TENM1: variants seen among roughly 807,000 people sequenced by gnomAD.
The protein encoded by TENM1 is teneurin-1.
Under a neutral mutation model 174.8 loss-of-function variants are expected in TENM1, and 35 were observed. That is an observed-to-expected ratio of 0.20 (90% CI 0.15 to 0.27). The LOEUF (loss-of-function observed/expected upper bound fraction) is 0.27. Among genes scored for constraint, TENM1 ranks in the 10% least tolerant of loss-of-function variants. The pLI, the probability that TENM1 is intolerant of heterozygous loss-of-function variation, is 1.00. For synonymous variants in TENM1, 781 were observed against 798.7 expected (o/e 0.98, Z 0.37); for missense variants, 1,633 against 2,130.1 (o/e 0.77, Z 4.59).
intron 3 of TENM1, among the ~76,000 whole-genome samples, chrX:124,812,886 CT>C (rs748114768): frequency 7.7e-4 from 85 of 110,772 alleles, no homozygotes; most frequent in Non-Finnish European, 1.2e-3. Context: ...AAAAATAGAA[CT>C]TTTTTTTCTT....
the TENM1 span, among the ~76,000 whole-genome samples, chrX:125,104,309 C>T: frequency 8.9e-6 from 1 of 112,069 alleles, no homozygotes; most frequent in Admixed American, 9.5e-5. Context: ...CAGTTCCAAG[C>T]ACATTGTAGG....
chrX:124,805,475 A>T (rs1486407404), intron 3 of TENM1, among the ~76,000 whole-genome samples: 3 of 112,999 alleles, frequency 2.7e-5, no homozygotes, highest in African/African-American at 9.6e-5. Context: ...GGCTGATAAG[A>T]TTTAAAAAAG....
intron 3 of TENM1, among the ~76,000 whole-genome samples, chrX:124,781,438 AG>A (rs942472349): frequency 6.3e-5 from 7 of 111,838 alleles, no homozygotes; most frequent in African/African-American, 2.0e-4. Context: ...CTCCTCAGAT[AG>A]ATTAAAAACT....
At chrX:124,619,261 C>G (rs1162007745) in intron 11 of TENM1, among the ~76,000 whole-genome samples, 3 of 111,659 alleles carry the variant, frequency 2.7e-5, no homozygotes, top group South Asian at 3.7e-4. Context: ...AAATACTTTT[C>G]TGTACTTTTT....
chrX:125,112,679 G>A, the TENM1 span, among the ~76,000 whole-genome samples: 5,612 of 111,551 alleles, frequency 0.05, 101 homozygotes, highest in Middle Eastern at 0.14. Flanking sequence ...TGCACTCCTG[G>A]ATAAGTTTCA....
At chrX:124,737,036 C>T (rs1165682124) in exon 4 of TENM1, 10 of 1,209,470 alleles carry the variant, frequency 8.3e-6, no homozygotes, top group Non-Finnish European at 1.1e-5. Context: ...GTTGGGGGAG[C>T]TGGAGCAGCT....
At chrX:124,616,854 AAAG>A (rs1272379506) in intron 11 of TENM1, among the ~76,000 whole-genome samples, 3 of 111,974 alleles carry the variant, frequency 2.7e-5, no homozygotes, top group East Asian at 5.6e-4. Flanking sequence ...ACAGCAATTC[AAAG>A]AAGAAAAAAA....
chrX:124,561,020 C>T (rs932379087), intron 14 of TENM1, among the ~76,000 whole-genome samples: 12 of 110,925 alleles, frequency 1.1e-4, no homozygotes, highest in African/African-American at 2.0e-4. Context: ...AAATATCATG[C>T]GCAGCTCCTT....
chrX:124,715,704 C>T (rs1264460996), intron 4 of TENM1, among the ~76,000 whole-genome samples: 1 of 106,921 alleles, frequency 9.4e-6, no homozygotes, highest in Non-Finnish European at 1.9e-5. Flanking sequence ...TGCCCAGGCT[C>T]GGTGCAAAGG....
At chrX:125,167,162 T>C in the TENM1 span, among the ~76,000 whole-genome samples, 1 of 112,063 alleles carries the variant, frequency 8.9e-6, no homozygotes, top group South Asian at 3.7e-4. Flanking sequence ...TAACTGTCAA[T>C]TGTGCAATAG....
rs969103438 is a variant in TENM1, at chrX:124,833,786, T to C, written c.535+60510A>G. Among the ~76,000 whole-genome samples the C allele has an allele frequency of 5.4e-5, 6 of 111,433 alleles. No individual in the cohort carries two copies. In the Admixed American group the frequency reaches 5.8e-4, roughly 11 times the overall value. ...AAATTATGGGAGTTACTGTAGATTA[T>C]GTCCTTTCTATCAACCCCTGCATAT... On this transcript the variant is annotated intron_variant, in intron 3 of 31. Coordinates refer to ENST00000422452, the Ensembl canonical transcript of TENM1.
chrX:125,004,493 T>C, the TENM1 span, among the ~76,000 whole-genome samples: 3 of 112,216 alleles, frequency 2.7e-5, no homozygotes, highest in East Asian at 8.4e-4. Flanking sequence ...GACAAAATAA[T>C]CATGCTTCTT....
the TENM1 span, among the ~76,000 whole-genome samples, chrX:125,117,490 G>A: frequency 9.0e-6 from 1 of 110,942 alleles, no homozygotes; most frequent in Admixed American, 9.7e-5. Flanking sequence ...TCATAAGTGG[G>A]AATTGAACAA....
intron 3 of TENM1, among the ~76,000 whole-genome samples, chrX:124,860,060 A>C (rs2056884933): frequency 8.9e-6 from 1 of 112,142 alleles, no homozygotes; most frequent in Non-Finnish European, 1.9e-5. Context: ...CACCTTAAAT[A>C]AACCCAACAA....
intron 22 of TENM1, among the ~76,000 whole-genome samples, chrX:124,459,501 C>T (rs930228347): frequency 9.0e-6 from 1 of 111,063 alleles, no homozygotes; most frequent in African/African-American, 3.3e-5. Context: ...AAAGGACTCC[C>T]TATTCAGTAA....
chrX:125,060,844 G>A, the TENM1 span, among the ~76,000 whole-genome samples: 2 of 111,043 alleles, frequency 1.8e-5, no homozygotes, highest in Admixed American at 1.9e-4. Context: ...TCTAAAGTCT[G>A]ATATTAAATT....
the TENM1 span, among the ~76,000 whole-genome samples, chrX:125,054,198 C>T: frequency 2.7e-5 from 3 of 110,027 alleles, no homozygotes; most frequent in African/African-American, 3.3e-5. Flanking sequence ...CCTATTCCCA[C>T]AAGATCTTGT....
intron 3 of TENM1, among the ~76,000 whole-genome samples, chrX:124,793,612 C>T (rs1356733755): frequency 1.8e-5 from 2 of 111,526 alleles, no homozygotes; most frequent in Admixed American, 9.5e-5. Context: ...AGCACACCAC[C>T]AAATGCCTTG....
At chrX:124,550,608 A>G (rs937569267) in intron 14 of TENM1, among the ~76,000 whole-genome samples, 32 of 96 alleles carry the variant, frequency 0.33, no homozygotes, top group Non-Finnish European at 0.42. Context: ...CAAATCACAC[A>G]TTCACATCAT....
Sources: allele counts gnomAD v4.1 joint callset (sites outside exome capture counted in the v4.1 genomes callset), GRCh38; gene constraint gnomAD v4.1.1; transcripts MANE v1.5; gene names NCBI Gene and HGNC (gene_info 2026-07-23, HGNC 2026-07-21).